Variants in ICA1 observed in about 807,000 individuals in gnomAD.
ICA1 encodes the protein islet cell autoantigen 1, also known as 69 kDa islet cell autoantigen.
In ICA1, 40 loss-of-function variants were observed where a neutral mutation model predicts 71.0. That is an observed-to-expected ratio of 0.56 (90% confidence interval 0.44 to 0.73). The LOEUF (loss-of-function observed/expected upper bound fraction) is 0.73, where lower values mean the gene tolerates loss of function less well. Among genes scored for constraint, ICA1 ranks in the 30% least tolerant of loss-of-function variants. The pLI is 0.00. For missense variants in ICA1, 578 were observed against 576.5 expected (o/e 1.00, Z -0.03); for synonymous variants, 207 against 209.5 (o/e 0.99, Z 0.10).
intron 6 of ICA1, among the ~76,000 whole-genome samples, chr7:8,203,957 C>T (rs1790602592): frequency 6.6e-6 from 1 of 152,066 alleles, no homozygotes; most frequent in Non-Finnish European, 1.5e-5. Context: ...GGCTCTAGAC[C>T]TGCCATTTCA....
intron 8 of ICA1, among the ~76,000 whole-genome samples, chr7:8,152,809 C>T (rs1392909931): frequency 2.0e-5 from 3 of 150,954 alleles, no homozygotes; most frequent in Non-Finnish European, 3.0e-5. Flanking sequence ...ACCACCACCA[C>T]CACCATCTCC....
In ICA1 at chr7:8,123,493, C is replaced by G. The variant is rs1372145250; in HGVS notation, c.1330+4380G>C. On this transcript the variant is annotated intron_variant, in intron 13 of 13. Coordinates refer to ENST00000402384, the MANE Select transcript of ICA1 (RefSeq NM_001136020.3). The surrounding 1 kb of genome is among the most constrained non-coding windows in gnomAD (Gnocchi z 4.1). ...GTCCCCGAGGACTCGGTGCCCCAGT[C>G]TCTCACGGAGAGCCAGGAAAACCTG... 1.3e-5 allele frequency among the ~76,000 whole-genome samples: 2 copies of G among 152,196 alleles called. No individual in the cohort carries two copies. The highest frequency in any genetic ancestry group is 2.9e-5 in the Non-Finnish European group (2 of 68,036).
intron 1 of ICA1, among the ~76,000 whole-genome samples, chr7:8,252,542 T>C (rs1452196852): frequency 5.3e-5 from 8 of 152,120 alleles, no homozygotes; most frequent in Admixed American, 5.2e-4. Context: ...ATATGAGCAC[T>C]TGAGATACGG....
chr7:8,183,585 G>A (rs969857902), intron 6 of ICA1, among the ~76,000 whole-genome samples: 1 of 152,170 alleles, frequency 6.6e-6, no homozygotes, highest in Non-Finnish European at 1.5e-5. Flanking sequence ...GCTATGCCTG[G>A]ATCAGAAGCT....
Position 8,157,220 on chromosome 7 carries a change from A to G in ICA1, c.706-6T>C. The G allele has an allele frequency of 6.3e-7, 1 of 1,596,056 alleles. No individual in the cohort carries two copies. Among genetic ancestry groups the G allele is most frequent in the Admixed American group, 1.8e-5 (1 of 56,050 alleles). On this transcript the variant is annotated splice_region_variant and splice_polypyrimidine_tract_variant and intron_variant, in intron 7 of 13. Coordinates refer to ENST00000402384, the MANE Select transcript of ICA1 (RefSeq NM_001136020.3). ...CAAAAATGAAGCAGAGTGGTCTGCA[A>G]AGAAAGACAGTAAAGCTATTAATGT... is the stretch of plus-strand genomic sequence containing the variant.
At chr7:8,185,568 T>C (rs1228578572) in intron 6 of ICA1, among the ~76,000 whole-genome samples, 1 of 152,186 alleles carries the variant, frequency 6.6e-6, no homozygotes, top group Non-Finnish European at 1.5e-5. Flanking sequence ...TCAATACATT[T>C]TACCAAGCCC....
At chr7:8,248,290 G>T (rs1262516500) in intron 1 of ICA1, among the ~76,000 whole-genome samples, 1 of 145,928 alleles carries the variant, frequency 6.9e-6, no homozygotes. Flanking sequence ...CTCTTGAGTT[G>T]CATATCTGAG....
At chr7:8,152,363 C>T (rs1184317260) in intron 8 of ICA1, among the ~76,000 whole-genome samples, 2 of 152,000 alleles carry the variant, frequency 1.3e-5, no homozygotes, top group Admixed American at 6.6e-5. Context: ...TGGTTGTCTT[C>T]TGGATCTACT....
chr7:8,119,501 T>C (rs1785990768), intron 13 of ICA1, among the ~76,000 whole-genome samples: 1 of 152,224 alleles, frequency 6.6e-6, no homozygotes, highest in South Asian at 2.1e-4. Flanking sequence ...ATGTGCGTGT[T>C]CTTGGAAAGC....
chr7:8,157,357 A>G (rs59168423), intron 7 of ICA1, 143 bp from the exon 8 acceptor site: 1 of 842,356 alleles, frequency 1.2e-6, no homozygotes, highest in Non-Finnish European at 1.8e-6. Flanking sequence ...TTATGCCCCC[A>G]ATTACACTCT....
chr7:8,214,799 AT>A (rs1794888304), intron 6 of ICA1, among the ~76,000 whole-genome samples: 1 of 152,200 alleles, frequency 6.6e-6, no homozygotes, highest in South Asian at 2.1e-4. Context: ...ACTGTGTGCT[AT>A]TTAAAAGGTT....
intron 8 of ICA1, among the ~76,000 whole-genome samples, chr7:8,155,856 T>C (rs1327344652): frequency 1.3e-5 from 2 of 152,252 alleles, no homozygotes; most frequent in South Asian, 2.1e-4. Flanking sequence ...AACGGTAACA[T>C]TGCCAGTGTG....
intron 1 of ICA1, among the ~76,000 whole-genome samples, chr7:8,243,118 G>A (rs1312763899): frequency 7.2e-5 from 11 of 152,156 alleles, no homozygotes; most frequent in Admixed American, 2.0e-4. Context: ...AACAAAAAAA[G>A]GGAATTTTAG....
chr7:8,136,307 C>T (rs567985658), intron 12 of ICA1, among the ~76,000 whole-genome samples: 32 of 152,232 alleles, frequency 2.1e-4, no homozygotes, highest in African/African-American at 5.8e-4. Context: ...TAGAGCTTAT[C>T]GTCCCCAAGT....
At chr7:8,199,462 G>C (rs1320495838) in intron 6 of ICA1, among the ~76,000 whole-genome samples, 1 of 152,204 alleles carries the variant, frequency 6.6e-6, no homozygotes, top group African/African-American at 2.4e-5. Flanking sequence ...TGTAACCCCA[G>C]CACTTTGGGA....
intron 6 of ICA1, among the ~76,000 whole-genome samples, chr7:8,210,602 A>G (rs6962056): frequency 3.3e-5 from 5 of 151,080 alleles, no homozygotes; most frequent in African/African-American, 1.2e-4. Context: ...TCAAAAGACA[A>G]TTTTTTTTTC....
At chr7:8,146,882 G>GCA (rs144575495) in intron 8 of ICA1, among the ~76,000 whole-genome samples, 40,236 of 138,692 alleles carry the variant, frequency 0.29, 6,316 homozygotes, top group East Asian at 0.54. Flanking sequence ...ACACACACAC[G>GCA]CACACACACA....
intron 6 of ICA1, among the ~76,000 whole-genome samples, chr7:8,164,886 T>C (rs1454659040): frequency 6.6e-6 from 1 of 152,150 alleles, no homozygotes; most frequent in Non-Finnish European, 1.5e-5. Context: ...AAGACCAGCC[T>C]GGGCAACATG....
intron 6 of ICA1, among the ~76,000 whole-genome samples, chr7:8,191,053 C>T (rs1012862103): frequency 7.2e-5 from 11 of 152,290 alleles, no homozygotes; most frequent in African/African-American, 2.6e-4. Flanking sequence ...ATGTGAGGAA[C>T]CATCGTCTGA....
Sources: gnomAD v4.1 joint callset for allele counts (sites outside exome capture counted in the v4.1 genomes callset) on GRCh38, gnomAD v4.1.1 for gene constraint, Gnocchi (gnomAD v3.1) non-coding constraint, MANE v1.5 for transcripts, NCBI Gene and HGNC (gene_info 2026-07-23, HGNC 2026-07-21) for gene names.